GRIN2B: variants seen among roughly 807,000 people sequenced by gnomAD.
The protein encoded by GRIN2B is glutamate receptor ionotropic, NMDA 2B.
In GRIN2B, 5 loss-of-function variants were observed where a neutral mutation model predicts 114.5. The ratio of observed to expected loss-of-function variants is 0.04; its 90% CI spans 0.02 to 0.09. The LOEUF (loss-of-function observed/expected upper bound fraction) is 0.09. GRIN2B is among the 10% of genes least tolerant of loss of function. The pLI is 1.00. For missense variants in GRIN2B, 1,108 were observed against 1,943.5 expected, an observed-to-expected ratio of 0.57 and a Z score of 8.08; for synonymous variants, 787 against 745.1, an observed-to-expected ratio of 1.06 and a Z score of -0.92.
chr12:13,959,039 C>T (rs774991972), intron 2 of GRIN2B, among the ~76,000 whole-genome samples: 58 of 152,146 alleles, frequency 3.8e-4, no homozygotes, highest in Non-Finnish European at 1.0e-4. Flanking sequence ...TCTTCATACA[C>T]ATCAGCAAGT....
At chr12:13,746,262 G>A (rs1036013596) in intron 4 of GRIN2B, among the ~76,000 whole-genome samples, 4 of 152,142 alleles carry the variant, frequency 2.6e-5, no homozygotes, top group African/African-American at 4.8e-5. Context: ...GGCAACTAAC[G>A]ATGGAGTTCA....
intron 4 of GRIN2B, among the ~76,000 whole-genome samples, chr12:13,730,524 G>A (rs1863070901): frequency 6.6e-6 from 1 of 152,102 alleles, no homozygotes; most frequent in Non-Finnish European, 1.5e-5. Context: ...GACAGGTTAG[G>A]AACCTGGCCA....
intron 3 of GRIN2B, among the ~76,000 whole-genome samples, chr12:13,780,151 G>A (rs556092734): frequency 5.7e-4 from 87 of 152,222 alleles, no homozygotes; most frequent in African/African-American, 2.0e-3. Context: ...CTAACTAGAT[G>A]ATACCTTTCC....
In GRIN2B at chr12:13,551,311, A is replaced by G. The variant is rs1287269826; in HGVS notation, c.*11472T>C. 1.3e-5 allele frequency: 2 copies of G among 152,166 alleles called. No homozygotes were observed. The highest frequency in any genetic ancestry group is 4.8e-5 in the African/African-American group (2 of 41,438). 9.4% of individuals were successfully genotyped at this position (152,166 alleles called of 1,614,324 possible). On this transcript the variant is annotated 3_prime_UTR_variant, in exon 14 of 14. Coordinates refer to ENST00000609686, the MANE Select transcript of GRIN2B (RefSeq NM_000834.5). ...ACATGTGCGAATATGTATGTATCTA[A>G]GCAACAGGACTGTCTGTTCTCAGGG...
intron 10 of GRIN2B, among the ~76,000 whole-genome samples, chr12:13,603,420 G>A (rs557420655): frequency 1.3e-5 from 2 of 152,096 alleles, no homozygotes; most frequent in African/African-American, 2.4e-5. Flanking sequence ...ACTGTTCAGG[G>A]GCTATAGTGA....
intron 3 of GRIN2B, among the ~76,000 whole-genome samples, chr12:13,784,160 C>G (rs1374102588): frequency 7.7e-6 from 1 of 130,602 alleles, no homozygotes; most frequent in Non-Finnish European, 1.5e-5. Flanking sequence ...GGAGGCGGAG[C>G]TTGCAGTGAG....
chr12:13,924,331 A>G (rs1866878952), intron 2 of GRIN2B, among the ~76,000 whole-genome samples: 1 of 152,244 alleles, frequency 6.6e-6, no homozygotes. Context: ...GGCAGAGTCT[A>G]AGGGAACCAA....
At chr12:13,778,851 T>C (rs1864053711) in intron 3 of GRIN2B, among the ~76,000 whole-genome samples, 1 of 152,194 alleles carries the variant, frequency 6.6e-6, no homozygotes. Context: ...TTTTTTGGTT[T>C]CTAGGAAATC....
chr12:13,874,349 C>G (rs1865962156), intron 2 of GRIN2B, among the ~76,000 whole-genome samples: 1 of 152,160 alleles, frequency 6.6e-6, no homozygotes, highest in Non-Finnish European at 1.5e-5. Context: ...ATTCTTGATA[C>G]AAGGTTTGTA....
Position 13,576,529 on chromosome 12 carries a change from T to A in GRIN2B, c.2011-4565A>T, listed in dbSNP as rs1000731285. ...CAAAGTAGGGAAATGTGTATAGTAC[T>A]CTTTATTTTCTTTTTTCTTTTTTCT... On this transcript the variant is annotated intron_variant, in intron 10 of 13. Transcript: ENST00000609686. Among the ~76,000 whole-genome samples the A allele has an allele frequency of 2.0e-5, 3 of 150,474 alleles. No individual in the cohort carries two copies. In the East Asian group the frequency reaches 6.0e-4, roughly 30 times the overall value.
chr12:13,594,198 C>A (rs1166560650), intron 10 of GRIN2B, among the ~76,000 whole-genome samples: 1 of 152,176 alleles, frequency 6.6e-6, no homozygotes, highest in Non-Finnish European at 1.5e-5. Flanking sequence ...GATTATAAAT[C>A]TTTCTACTAT....
At chr12:13,737,749 T>A (rs1339836038) in intron 4 of GRIN2B, among the ~76,000 whole-genome samples, 2 of 152,228 alleles carry the variant, frequency 1.3e-5, no homozygotes, top group East Asian at 3.8e-4. Flanking sequence ...ACTTGTTAAG[T>A]GTACCTGGAG....
At chr12:13,952,374 A>G (rs1405377318) in intron 2 of GRIN2B, among the ~76,000 whole-genome samples, 1 of 152,206 alleles carries the variant, frequency 6.6e-6, no homozygotes, top group East Asian at 1.9e-4. Flanking sequence ...GCAGGAATCC[A>G]CAAATTAGGA....
At chr12:13,817,899 A>G (rs987945109) in intron 3 of GRIN2B, among the ~76,000 whole-genome samples, 1 of 152,208 alleles carries the variant, frequency 6.6e-6, no homozygotes. Flanking sequence ...TCAGAGTTAG[A>G]CAATGGGGAG....
At chr12:13,782,732 A>G (rs1360476842) in intron 3 of GRIN2B, among the ~76,000 whole-genome samples, 1 of 152,184 alleles carries the variant, frequency 6.6e-6, no homozygotes, top group East Asian at 1.9e-4. Flanking sequence ...TCAAACTTTG[A>G]GAGGCTCTTT....
intron 3 of GRIN2B, among the ~76,000 whole-genome samples, chr12:13,834,991 G>A (rs1865232746): frequency 6.6e-6 from 1 of 152,162 alleles, no homozygotes; most frequent in African/African-American, 2.4e-5. Context: ...GTGGGCCAAG[G>A]AGCCTTCTCT....
intron 4 of GRIN2B, among the ~76,000 whole-genome samples, chr12:13,722,893 G>C (rs186449855): frequency 6.6e-6 from 1 of 152,062 alleles, no homozygotes; most frequent in Non-Finnish European, 1.5e-5. Context: ...ACTTCAAATC[G>C]TCTCACCACA....
intron 2 of GRIN2B, among the ~76,000 whole-genome samples, chr12:13,917,038 C>T (rs1294216350): frequency 6.6e-6 from 1 of 151,976 alleles, no homozygotes; most frequent in African/African-American, 2.4e-5. Flanking sequence ...AAGGAAAGCA[C>T]AAAGGAAGAA....
In GRIN2B at chr12:13,558,090, A is replaced by G. The variant is rs1948495992; in HGVS notation, c.*4693T>C. ...CACTTTCAGCTGCTTCTCCTCCATG[A>G]AGAGCTCCTTAAACAGGAGGAAAAG... On this transcript the variant is annotated 3_prime_UTR_variant, in exon 14 of 14. Coordinates refer to ENST00000609686, the MANE Select transcript of GRIN2B (RefSeq NM_000834.5). The G allele has an allele frequency of 6.6e-6, 1 of 152,246 alleles. No homozygotes were observed. Among genetic ancestry groups the G allele is most frequent in the South Asian group, 2.1e-4 (1 of 4,828 alleles). 9.4% of individuals were successfully genotyped at this position (152,246 alleles called of 1,614,324 possible).
Sources: allele counts gnomAD v4.1 joint callset (sites outside exome capture counted in the v4.1 genomes callset), GRCh38; gene constraint gnomAD v4.1.1; transcripts MANE v1.5; gene names NCBI Gene and HGNC (gene_info 2026-07-23, HGNC 2026-07-21).